Variants in SF3B2 observed in about 807,000 individuals in gnomAD.
The protein encoded by SF3B2 is splicing factor 3b subunit 2, also known as SAP 145.
Under a neutral mutation model 116.3 loss-of-function variants are expected in SF3B2, and 22 were observed. The observed-to-expected ratio is 0.19, with a 90% CI of 0.14 to 0.27. The LOEUF (loss-of-function observed/expected upper bound fraction) is 0.27, where lower values mean the gene tolerates loss of function less well. SF3B2 is among the 10% of genes least tolerant of loss of function. The pLI, the probability that SF3B2 is intolerant of heterozygous loss-of-function variation, is 1.00. For missense variants in SF3B2, 767 were observed against 1,151.4 expected (o/e 0.67, Z 4.83); for synonymous variants, 406 against 421.6 (o/e 0.96, Z 0.45).
chr11:66,060,193 A>C (rs1831455837), intron 13 of SF3B2, among the ~76,000 whole-genome samples, 184 bp downstream of exon 13: 1 of 151,632 alleles, frequency 6.6e-6, no homozygotes, highest in South Asian at 2.1e-4. Flanking sequence ...TCACCTGGTG[A>C]CTCCTTTCTC....
Position 66,053,340 on chromosome 11 carries a change from C to G in SF3B2, c.258+236C>G. The G allele has an allele frequency of 2.8e-5, 15 of 540,384 alleles. 1 individual carries two copies. In the South Asian group the frequency reaches 3.2e-4, roughly 12 times the overall value. 33.5% of individuals were successfully genotyped at this position (540,384 alleles called of 1,614,324 possible). On this transcript the variant is annotated intron_variant, in intron 3 of 21. Coordinates refer to ENST00000322535, the MANE Select transcript of SF3B2 (RefSeq NM_006842.3). ...AGAATTGTGAGCTCTTCAGTTCTCT[C>G]TTTGATGCTGACACTTGCCTCCTTT...
intron 19 of SF3B2, chr11:66,067,743 AT>A: frequency 1.8e-6 from 1 of 565,976 alleles, no homozygotes; most frequent in Non-Finnish European, 3.2e-6. Flanking sequence ...CCTTAGCTCC[AT>A]CTGTGTTCCC....
At chr11:66,067,181 C>T (rs1300256293) in intron 19 of SF3B2, 6 of 276,308 alleles carry the variant, frequency 2.2e-5, no homozygotes, top group African/African-American at 4.4e-5. Flanking sequence ...AAGTCTCAAG[C>T]TTTGCATATT....
At chr11:66,055,448 A>C (rs1450985127) in intron 4 of SF3B2, 87 bp from the exon 5 acceptor site, 1 of 1,597,536 alleles carries the variant, frequency 6.3e-7, no homozygotes, top group Non-Finnish European at 8.6e-7. Flanking sequence ...TGGGCCCTTG[A>C]CTGGAAGAGG....
At position 66,068,703 on chromosome 11, in the gene SF3B2, C is replaced by G. The variant is rs761183251; in HGVS notation, c.2646C>G (p.Asp882Glu). The change falls in exon 22 of 22, where the codon GAC becomes GAG. Residue 882 changes from aspartate to glutamate, a missense_variant. Asp to Glu is a conservative substitution (Grantham distance 45). This residue lies in a region of SF3B2 where 27 missense variants were observed against 28.0 expected (regional missense o/e 0.96). Coordinates refer to ENST00000322535, the MANE Select transcript of SF3B2 (RefSeq NM_006842.3). ...KQKKRKAQPQ[D>E]SRGGSKKYKE... ...AAAAACGGAAAGCTCAGCCCCAGGA[C>G]AGCCGTGGGGGCAGCAAGAAATATA... is the stretch of plus-strand genomic sequence containing the variant. 5 of 1,614,012 alleles carry G rather than the reference C, an allele frequency of 3.1e-6. No homozygotes were observed. Among genetic ancestry groups the G allele is most frequent in the Non-Finnish European group, 4.2e-6 (5 of 1,180,022 alleles).
chr11:66,061,376 C>T (rs879284769), intron 14 of SF3B2, among the ~76,000 whole-genome samples: 4 of 152,148 alleles, frequency 2.6e-5, no homozygotes, highest in African/African-American at 9.7e-5. Context: ...TCCTTGAAAT[C>T]GTAGTCACCA....
rs569623136 is a variant in SF3B2 at position 66,068,868 on chromosome 11, T to C, written c.*123T>C. ...ATGTTCTTATTTTAGACCTGTTTTG[T>C]AAATAAAGCTGTTTCCCAAGGAAAG... On this transcript the variant is annotated 3_prime_UTR_variant, in exon 22 of 22. Transcript: ENST00000322535. The C allele has an allele frequency of 2.6e-6, 2 of 756,478 alleles. No individual in the cohort carries two copies. The highest frequency in any genetic ancestry group is 3.5e-5 in the African/African-American group (2 of 56,724). 46.9% of individuals were successfully genotyped at this position (756,478 alleles called of 1,614,324 possible). A position where few individuals can be genotyped will look rare whatever the true frequency, so the allele number is the denominator to read the frequency against.
rs764791032 is a variant in SF3B2 at position 66,055,511 on chromosome 11, T to G, written c.499-24T>G. The G allele has an allele frequency of 1.9e-6, 3 of 1,613,856 alleles. No homozygotes were observed. In the African/African-American group the frequency reaches 4.0e-5, roughly 22 times the overall value. The stretch of plus-strand genomic sequence containing the variant: ...TTGGCGTGTTGGGTATTGGTGCTGG[T>G]ATGAACTTGTTTTCTTTTTTAAGCA... On this transcript the variant is annotated intron_variant, in intron 4 of 21. Transcript: ENST00000322535.
rs1033887834 is a variant in SF3B2 at position 66,052,792 on chromosome 11, G to A, written c.180+73G>A. ...GACCTTATATACCCCATCACGGCTC[G>A]GTCTTCATTCTTTCTTTATCTCGGC... On this transcript the variant is annotated intron_variant, in intron 2 of 21. Coordinates refer to ENST00000322535, the MANE Select transcript of SF3B2 (RefSeq NM_006842.3). 10 of 1,477,632 alleles carry A rather than the reference G, an allele frequency of 6.8e-6. No homozygotes were observed. The African/African-American group carries it at 9.9e-5, about 15-fold the overall frequency. 91.5% of individuals were successfully genotyped at this position (1,477,632 alleles called of 1,614,324 possible). A position where few individuals can be genotyped will look rare whatever the true frequency, so the allele number is the denominator to read the frequency against.
At position 66,068,860 on chromosome 11, in the gene SF3B2, C is replaced by G; in HGVS notation, c.*115C>G. The G allele has an allele frequency of 1.2e-6, 1 of 816,500 alleles. No homozygotes were observed. The highest frequency in any genetic ancestry group is 2.4e-5 in the Admixed American group (1 of 41,426). 50.6% of individuals were successfully genotyped at this position (816,500 alleles called of 1,614,324 possible). On this transcript the variant is annotated 3_prime_UTR_variant, in exon 22 of 22. Transcript: ENST00000322535. ...GTCATTTCATGTTCTTATTTTAGAC[C>G]TGTTTTGTAAATAAAGCTGTTTCCC...
At chr11:66,067,868 C>A in intron 19 of SF3B2, 78 bp from the exon 20 acceptor site, 1 of 1,150,006 alleles carries the variant, frequency 8.7e-7, no homozygotes, top group South Asian at 1.3e-5. Context: ...GTGGAGGTGC[C>A]ACCTGTATCT....
intron 9 of SF3B2, 156 bp downstream of exon 9, chr11:66,058,561 G>A: frequency 1.5e-6 from 1 of 657,642 alleles, no homozygotes; most frequent in Non-Finnish European, 2.6e-6. Context: ...ATTGCTTTGA[G>A]TTCCAAGTAC....
intron 3 of SF3B2, 147 bp from the exon 4 acceptor site, chr11:66,054,929 G>T: frequency 1.4e-6 from 1 of 701,058 alleles, no homozygotes; most frequent in Non-Finnish European, 2.2e-6. Flanking sequence ...TATCTTTATA[G>T]AGCTGTGGAG....
In SF3B2 at chr11:66,052,371, T is replaced by A. The variant is rs370381998; in HGVS notation, c.-14T>A. On this transcript the variant is annotated 5_prime_UTR_variant, in exon 1 of 22. Transcript: ENST00000322535. ...CCAGCTTCCGGGTTGGTCGCGCGCC[T>A]TCCTGCGGCTAAGATGGCGACGGAG... 2.0e-4 allele frequency: 316 copies of A among 1,606,560 alleles called. No individual in the cohort carries two copies. The highest frequency in any genetic ancestry group is 2.6e-4 in the Non-Finnish European group (301 of 1,177,044).
Position 66,058,425 on chromosome 11 carries a change from G to T in SF3B2, c.966+20G>T. The stretch of plus-strand genomic sequence containing the variant: ...AAGGAGGTAGGGATTGGAGCTGAGT[G>T]TGGAAGGAAAGCCAGGAGATGGGAC... On this transcript the variant is annotated intron_variant, in intron 9 of 21. Coordinates refer to ENST00000322535, the MANE Select transcript of SF3B2 (RefSeq NM_006842.3). 1.3e-6 allele frequency: 2 copies of T among 1,597,972 alleles called. No homozygotes were observed. The highest frequency in any genetic ancestry group is 1.7e-6 in the Non-Finnish European group (2 of 1,165,844).
intron 14 of SF3B2, among the ~76,000 whole-genome samples, chr11:66,061,007 G>A (rs1474195980): frequency 1.3e-5 from 2 of 152,086 alleles, no homozygotes; most frequent in East Asian, 3.8e-4. Flanking sequence ...TGTTGCCCAG[G>A]CTAGTGTGGA....
chr11:66,053,154 A>C, intron 3 of SF3B2, 50 bp downstream of exon 3: 2 of 1,539,556 alleles, frequency 1.3e-6, no homozygotes, highest in Non-Finnish European at 1.8e-6. Flanking sequence ...ATCCTTTTGT[A>C]GTTCATGAGC....
At position 66,063,706 on chromosome 11, in the gene SF3B2, G is replaced by A; in HGVS notation, c.2307G>A (p.Lys769=). Residue 769 remains lysine (K), a synonymous_variant, in exon 19 of 22, where the codon AAG becomes AAA. Transcript: ENST00000322535. ...ETPELIELRK[K]KIEEAMDGSE... Reference sequence around the variant, plus strand: ...CTGAACTCATTGAGCTGAGGAAGAAGAAGATTGAGGAGGCGATGGACGGGT... The same window carrying A: ...CTGAACTCATTGAGCTGAGGAAGAAAAAGATTGAGGAGGCGATGGACGGGT... 1 of 1,613,036 alleles carries A rather than the reference G, an allele frequency of 6.2e-7. No homozygotes were observed. Among genetic ancestry groups the A allele is most frequent in the Non-Finnish European group, 8.5e-7 (1 of 1,179,588 alleles).
rs1240345426 is a variant in SF3B2, at chr11:66,058,061, A to C, written c.785A>C (p.Asp262Ala). The change falls in exon 8 of 22, where the codon GAC (aspartate) becomes GCC (alanine). Residue 262 changes from aspartate (D) to alanine (A), a missense_variant. This residue lies in a region of SF3B2 where 455 missense variants were observed against 537.5 expected (regional missense o/e 0.85). Transcript: ENST00000322535. ...ACTGGGTGTCTCTGGCAGATGGATG[A>C]CCCCTCTGTGGGCCCCAAGATCCCC... The part of the protein sequence containing the change: ...PPGDENREMD[D>A]PSVGPKIPQA... 1.9e-6 allele frequency: 3 copies of C among 1,607,160 alleles called. No homozygotes were observed. In the African/African-American group the frequency reaches 4.0e-5, roughly 22 times the overall value.
Sources: gnomAD v4.1 joint callset for allele counts (sites outside exome capture counted in the v4.1 genomes callset) on GRCh38, gnomAD v4.1.1 for gene constraint, gnomAD v4.1.1 regional missense constraint, MANE v1.5 for transcripts, NCBI Gene and HGNC (gene_info 2026-07-23, HGNC 2026-07-21) for gene names.